Variants in SDK1 observed in about 807,000 individuals in gnomAD.
SDK1 encodes protein sidekick-1.
A neutral mutation model predicts 245.5 loss-of-function variants in SDK1; 157 were observed. The ratio of observed to expected loss-of-function variants is 0.64; its 90% confidence interval spans 0.56 to 0.73. The LOEUF is 0.73. SDK1 is among the 30% of genes least tolerant of loss of function. SDK1 has a pLI of 0.00. For missense variants in SDK1, 3,583 were observed against 3,002.3 expected (o/e 1.19, Z -4.52); for synonymous variants, 1,647 against 1,278.5 (o/e 1.29, Z -6.15).
At chr7:3,759,815 A>C (rs1258367328) in intron 4 of SDK1, among the ~76,000 whole-genome samples, 3 of 151,752 alleles carry the variant, frequency 2.0e-5, no homozygotes, top group Non-Finnish European at 4.4e-5. Flanking sequence ...CTGGTCTCGA[A>C]CTCCTGACCT....
At chr7:4,081,504 C>T (rs2128179435) in intron 22 of SDK1, among the ~76,000 whole-genome samples, 1 of 139,746 alleles carries the variant, frequency 7.2e-6, no homozygotes, top group Non-Finnish European at 1.5e-5. Flanking sequence ...ACTGCAAGCT[C>T]TTCCTCCCAG....
At chr7:3,905,050 G>GT (rs1778850484) in intron 5 of SDK1, among the ~76,000 whole-genome samples, 1 of 150,160 alleles carries the variant, frequency 6.7e-6, no homozygotes, top group East Asian at 1.9e-4. Flanking sequence ...TTTTACAGTC[G>GT]TAACTTTTAT....
intron 1 of SDK1, among the ~76,000 whole-genome samples, chr7:3,491,770 A>C (rs1193568557): frequency 1.3e-5 from 2 of 152,264 alleles, no homozygotes; most frequent in Non-Finnish European, 2.9e-5. Context: ...CAATAAATAC[A>C]AATTTCGTTG....
intron 5 of SDK1, among the ~76,000 whole-genome samples, chr7:3,859,614 A>G (rs1194690995): frequency 6.6e-6 from 1 of 152,150 alleles, no homozygotes; most frequent in African/African-American, 2.4e-5. Context: ...TACATTATCA[A>G]CAGACAAAGA....
chr7:4,216,121 G>A lies in SDK1; in HGVS notation c.5540-3988G>A, dbSNP rs114232344. On this transcript the variant is annotated intron_variant, in intron 38 of 44. Coordinates refer to ENST00000404826, the MANE Select transcript of SDK1 (RefSeq NM_152744.4). ...GCCTGCAGGCATTTCTGAGTGTCTT[G>A]GCCTCCTGAGGCTGGGGAAGGGAGG... 3.8e-3 allele frequency among the ~76,000 whole-genome samples: 584 copies of A among 152,280 alleles called. 5 individuals are homozygous for A. Among genetic ancestry groups the A allele is most frequent in the African/African-American group, 0.013 (551 of 41,540 alleles).
At chr7:3,425,097 G>A (rs1583837739) in intron 1 of SDK1, among the ~76,000 whole-genome samples, 1 of 142,186 alleles carries the variant, frequency 7.0e-6, no homozygotes, top group South Asian at 2.3e-4. Flanking sequence ...TCAAACTTGA[G>A]AGTCATACAG....
At chr7:3,397,928 T>A (rs1778766055) in intron 1 of SDK1, among the ~76,000 whole-genome samples, 1 of 152,134 alleles carries the variant, frequency 6.6e-6, no homozygotes, top group Non-Finnish European at 1.5e-5. Flanking sequence ...TTCTGATGCT[T>A]GCTTTGCCCC....
At chr7:3,855,589 G>T (rs551814813) in intron 5 of SDK1, among the ~76,000 whole-genome samples, 2 of 148,122 alleles carry the variant, frequency 1.4e-5, no homozygotes, top group Non-Finnish European at 2.9e-5. Context: ...GGACATAGAA[G>T]ATAGAGCCAG....
At chr7:4,086,180 C>T (rs567291226) in intron 22 of SDK1, among the ~76,000 whole-genome samples, 6 of 152,148 alleles carry the variant, frequency 3.9e-5, no homozygotes, top group Non-Finnish European at 7.4e-5. Flanking sequence ...ATCATGTGTG[C>T]ACTTGTCCTT....
intron 1 of SDK1, among the ~76,000 whole-genome samples, chr7:3,593,170 T>C (rs1256542057): frequency 1.3e-5 from 2 of 152,204 alleles, no homozygotes; most frequent in African/African-American, 4.8e-5. Flanking sequence ...CATCATCAAG[T>C]TAATTTCTTG....
At chr7:4,100,538 G>A (rs916539753) in intron 22 of SDK1, among the ~76,000 whole-genome samples, 1 of 152,106 alleles carries the variant, frequency 6.6e-6, no homozygotes, top group Non-Finnish European at 1.5e-5. Flanking sequence ...GAGGGGATGG[G>A]GTCATGGGGT....
At chr7:3,399,466 G>T (rs1778822470) in intron 1 of SDK1, among the ~76,000 whole-genome samples, 1 of 151,970 alleles carries the variant, frequency 6.6e-6, no homozygotes. Flanking sequence ...CCTGTGTATG[G>T]TCTGTACATT....
chr7:4,237,483 G>C (rs1786242589), intron 41 of SDK1, among the ~76,000 whole-genome samples, 164 bp from the exon 42 acceptor site: 1 of 152,014 alleles, frequency 6.6e-6, no homozygotes, highest in African/African-American at 2.4e-5. Context: ...TCCTGAGCTT[G>C]TCCCATGGGA....
At chr7:3,632,808 C>A (rs1583250052) in intron 2 of SDK1, among the ~76,000 whole-genome samples, 1 of 152,136 alleles carries the variant, frequency 6.6e-6, no homozygotes, top group Non-Finnish European at 1.5e-5. Context: ...ACATATATAT[C>A]TCTCTCTTAA....
intron 1 of SDK1, among the ~76,000 whole-genome samples, chr7:3,584,500 C>T (rs896193137): frequency 4.6e-5 from 7 of 152,144 alleles, no homozygotes; most frequent in Non-Finnish European, 7.3e-5. Flanking sequence ...CACCTGAAGT[C>T]CCCTGTGGGG....
At chr7:4,228,020 C>T (rs1239141291) in intron 40 of SDK1, among the ~76,000 whole-genome samples, 1 of 152,158 alleles carries the variant, frequency 6.6e-6, no homozygotes, top group East Asian at 1.9e-4. Flanking sequence ...CCACTTACTT[C>T]CCTTGTTTAA....
At chr7:4,113,670 ATTCC>A (rs2128191550) in intron 24 of SDK1, among the ~76,000 whole-genome samples, 1 of 152,344 alleles carries the variant, frequency 6.6e-6, no homozygotes, top group Non-Finnish European at 1.5e-5. Flanking sequence ...ACTGAGGAAT[ATTCC>A]TTGGGGCAGG....
intron 29 of SDK1, among the ~76,000 whole-genome samples, chr7:4,148,796 G>A (rs1168928713): frequency 2.6e-5 from 4 of 152,204 alleles, no homozygotes; most frequent in Non-Finnish European, 5.9e-5. Flanking sequence ...AGTGGCTCAC[G>A]CCTGTAATCC....
chr7:4,095,005 G>C (rs1351083300), intron 22 of SDK1, among the ~76,000 whole-genome samples: 1 of 152,230 alleles, frequency 6.6e-6, no homozygotes, highest in Non-Finnish European at 1.5e-5. Flanking sequence ...TGGATCAGCA[G>C]AAAAGAACGT....
Sources: gnomAD v4.1 joint callset for allele counts (sites outside exome capture counted in the v4.1 genomes callset) on GRCh38, gnomAD v4.1.1 for gene constraint, MANE v1.5 for transcripts, NCBI Gene and HGNC (gene_info 2026-07-23, HGNC 2026-07-21) for gene names.